The following ZNF529 variants were observed in gnomAD, a reference collection of about 807,000 sequenced individuals.
The protein encoded by ZNF529 is zinc finger protein 529.
Under a neutral mutation model 10.1 loss-of-function variants are expected in ZNF529, and 11 were observed. The ratio of observed to expected loss-of-function variants is 1.09; its 90% CI spans 0.69 to 1.81. The LOEUF is 1.81. Among genes scored for constraint, ZNF529 ranks in the 40% most tolerant of loss-of-function variants. ZNF529 has a pLI of 0.00. For missense variants in ZNF529, 624 were observed against 666.8 expected (o/e 0.94, Z 0.71); for synonymous variants, 204 against 215.7 (o/e 0.95, Z 0.47).
upstream of ZNF529, chr19:36,577,450 A>T (rs914922698): frequency 5.6e-5 from 10 of 179,602 alleles, no homozygotes; most frequent in African/African-American, 2.4e-4. Flanking sequence ...CACCAGAGGA[A>T]TGGGAGTAAT....
chr19:36,570,284 C>G (rs1292396712), intron 2 of ZNF529, among the ~76,000 whole-genome samples: 6 of 141,088 alleles, frequency 4.3e-5, no homozygotes, highest in African/African-American at 1.6e-4. Flanking sequence ...TCCCTTGAGG[C>G]TGGGAAGTAG....
At chr19:36,595,848 T>C (rs1275973050) in intron 1 of ZNF529, among the ~76,000 whole-genome samples, 1 of 152,078 alleles carries the variant, frequency 6.6e-6, no homozygotes, top group African/African-American at 2.4e-5. Context: ...TACATATCTA[T>C]ATAGAAGTAT....
upstream of ZNF529, among the ~76,000 whole-genome samples, chr19:36,576,932 G>A (rs916577061): frequency 2.9e-4 from 44 of 151,106 alleles, no homozygotes; most frequent in African/African-American, 1.1e-3. Context: ...CAGTTTACTA[G>A]TGAGTGATTC....
At chr19:36,551,090 G>A (rs545047186) in intron 4 of ZNF529, among the ~76,000 whole-genome samples, 1 of 152,264 alleles carries the variant, frequency 6.6e-6, no homozygotes, top group Admixed American at 6.5e-5. Context: ...AACCTGTAAT[G>A]TTTTGCCAGA....
chr19:36,547,670 T>C lies in ZNF529; in HGVS notation c.888A>G (p.Gln296=). Residue 296 remains glutamine (Q), a synonymous_variant, in exon 5 of 5, where the codon CAA becomes CAG. Coordinates refer to ENST00000591340, the MANE Select transcript of ZNF529 (RefSeq NM_020951.5). The stretch of plus-strand genomic sequence containing the variant: ...TATGGATTTTCTGATGTCGAGTAAG[T>C]TGTGCATGCACTCTAAAGGATTTCC... ...FCGKSFRVHA[Q]LTRHQKIHTD... 11 of 1,613,894 alleles carry C rather than the reference T, an allele frequency of 6.8e-6. No individual in the cohort carries two copies. The highest frequency in any genetic ancestry group is 9.3e-6 in the Non-Finnish European group (11 of 1,179,820).
intron 1 of ZNF529, among the ~76,000 whole-genome samples, chr19:36,597,281 T>G (rs1413913679): frequency 6.6e-6 from 1 of 152,258 alleles, no homozygotes; most frequent in African/African-American, 2.4e-5. Context: ...TTTACTTCTA[T>G]GTGTCCCCCT....
chr19:36,582,826 C>T (rs2036499602), intron 2 of ZNF529: 2 of 151,316 alleles, frequency 1.3e-5, no homozygotes, highest in Admixed American at 1.3e-4. Context: ...ATGGATAAAT[C>T]CCTAGTAAGC....
At chr19:36,585,253 A>G (rs1200974998) in intron 2 of ZNF529, among the ~76,000 whole-genome samples, 4 of 152,206 alleles carry the variant, frequency 2.6e-5, no homozygotes, top group Non-Finnish European at 5.9e-5. Context: ...ACCAGTTTAA[A>G]GGCTTACAGG....
At chr19:36,590,551 G>A (rs2145270168) in intron 1 of ZNF529, among the ~76,000 whole-genome samples, 1 of 152,040 alleles carries the variant, frequency 6.6e-6, no homozygotes, top group East Asian at 1.9e-4. Flanking sequence ...GTACCCAGAA[G>A]AAAGGAAATA....
Position 36,552,413 on chromosome 19 carries a change from C to A in ZNF529, c.235+2257G>T, listed in dbSNP as rs187803841. Reference sequence around the variant, plus strand: ...CTGCACTCCAGCCTGGGTGACAGAGCGAGACTGTCTCAAAAAAATCAATAA... The same window carrying A: ...CTGCACTCCAGCCTGGGTGACAGAGAGAGACTGTCTCAAAAAAATCAATAA... On this transcript the variant is annotated intron_variant, in intron 4 of 4. Transcript: ENST00000591340. Among the ~76,000 whole-genome samples, 4 of 152,188 alleles carry A rather than the reference C, an allele frequency of 2.6e-5. 1 individual carries two copies. The highest frequency in any genetic ancestry group is 2.6e-4 in the Admixed American group (4 of 15,286).
At position 36,572,547 on chromosome 19, in the gene ZNF529, A is replaced by C. The variant is rs147283762; in HGVS notation, c.-46-155T>G. Among the ~76,000 whole-genome samples the C allele has an allele frequency of 2.5e-3, 383 of 152,300 alleles. 1 individual carries two copies. The highest frequency in any genetic ancestry group is 8.6e-3 in the African/African-American group (358 of 41,558). ...TGTCGACTCCTCCCCACATCCGAGA[A>C]AAAGGTACGACCAATGCCTAGCAGT... On this transcript the variant is annotated intron_variant, in intron 1 of 4. Coordinates refer to ENST00000591340, the MANE Select transcript of ZNF529 (RefSeq NM_020951.5).
intron 4 of ZNF529, among the ~76,000 whole-genome samples, chr19:36,551,549 CTACT>C (rs1230351487): frequency 5.3e-5 from 8 of 152,072 alleles, no homozygotes; most frequent in South Asian, 4.1e-4. Context: ...TTTGAGGTGG[CTACT>C]TACTTACAGT....
At chr19:36,581,127 C>A (rs1296527432) in intron 2 of ZNF529, 1 of 152,196 alleles carries the variant, frequency 6.6e-6, no homozygotes, top group Non-Finnish European at 1.5e-5. Context: ...AAATTACATT[C>A]TTTTCATGTA....
Position 36,544,074 on chromosome 19 carries a change from T to C in ZNF529, c.*2792A>G, listed in dbSNP as rs2034930093. The C allele has an allele frequency of 6.6e-6, 1 of 151,858 alleles. No homozygotes were observed. The highest frequency in any genetic ancestry group is 1.5e-5 in the Non-Finnish European group (1 of 67,964). 9.4% of individuals were successfully genotyped at this position (151,858 alleles called of 1,614,324 possible). A position where few individuals can be genotyped will look rare whatever the true frequency, so the allele number is the denominator to read the frequency against. On this transcript the variant is annotated 3_prime_UTR_variant, in exon 5 of 5. Coordinates refer to ENST00000591340, the MANE Select transcript of ZNF529 (RefSeq NM_020951.5). Reference sequence around the variant, plus strand: ...TATCCTATCCTATTGAATATGAGAATAAAGCTCCTATGCAGGCTTAGAGAA... The same window carrying C: ...TATCCTATCCTATTGAATATGAGAACAAAGCTCCTATGCAGGCTTAGAGAA...
Position 36,573,255 on chromosome 19 carries a change from G to T in ZNF529, c.-162C>A. 1 of 305,562 alleles carries T rather than the reference G, an allele frequency of 3.3e-6. No individual in the cohort carries two copies. The highest frequency in any genetic ancestry group is 3.9e-5 in the Admixed American group (1 of 25,324). 18.9% of individuals were successfully genotyped at this position (305,562 alleles called of 1,614,324 possible). A position where few individuals can be genotyped will look rare whatever the true frequency, so the allele number is the denominator to read the frequency against. On this transcript the variant is annotated 5_prime_UTR_variant, in exon 1 of 5. Transcript: ENST00000591340. ...GCGAGCTCCTCCCGCAGCCCGGCCC[G>T]GGTCACCTCGACTCGCCAGGCTTAA...
At chr19:36,548,477 A>G (rs2035138888) in intron 4 of ZNF529, among the ~76,000 whole-genome samples, 155 bp from the exon 5 acceptor site, 1 of 152,250 alleles carries the variant, frequency 6.6e-6, no homozygotes, top group African/African-American at 2.4e-5. Flanking sequence ...CAGAACATAA[A>G]GATTATGAGG....
intron 2 of ZNF529, among the ~76,000 whole-genome samples, chr19:36,587,136 G>A (rs1207192859): frequency 6.6e-6 from 1 of 151,966 alleles, no homozygotes; most frequent in Non-Finnish European, 1.5e-5. Flanking sequence ...GTGGTGGCGA[G>A]CACCTGTAAT....
chr19:36,589,335 T>A (rs1004078977), intron 2 of ZNF529, among the ~76,000 whole-genome samples: 1 of 152,142 alleles, frequency 6.6e-6, no homozygotes, highest in African/African-American at 2.4e-5. Flanking sequence ...TCTGATGCTA[T>A]TTCCAGGCAG....
intron 1 of ZNF529, chr19:36,594,183 C>G (rs1187039907): frequency 1.3e-5 from 2 of 152,182 alleles, no homozygotes; most frequent in African/African-American, 4.8e-5. Context: ...ACCATCCACA[C>G]CAGAACTGCA....
Sources: allele counts gnomAD v4.1 joint callset (sites outside exome capture counted in the v4.1 genomes callset), GRCh38; gene constraint gnomAD v4.1.1; transcripts MANE v1.5; gene names NCBI Gene and HGNC (gene_info 2026-07-23, HGNC 2026-07-21).